KTI12: variants seen among roughly 807,000 people sequenced by gnomAD.
KTI12 encodes the protein protein KTI12 homolog.
In KTI12, 8 loss-of-function variants were observed where a neutral mutation model predicts 8.8. The ratio of observed to expected loss-of-function variants is 0.91; its 90% confidence interval spans 0.53 to 1.64. The LOEUF (loss-of-function observed/expected upper bound fraction) is 1.64, where lower values mean the gene tolerates loss of function less well. Among genes scored for constraint, KTI12 ranks in the 40% most tolerant of loss-of-function variants. The pLI is 0.00. For synonymous variants in KTI12, 216 were observed against 220.1 expected (o/e 0.98, Z 0.17); for missense variants, 490 against 492.1 (o/e 1.00, Z 0.04).
At position 52,033,265 on chromosome 1, in the gene KTI12, G is replaced by A; in HGVS notation, c.497C>T (p.Ala166Val). ...HTADSVVNGS[A>V]QADVPKELER... ...CAGTTCCTTGGGTACGTCGGCCTGG[G>A]CACTTCCATTTACTACAGAGTCCGC... The change falls in exon 1 of 1, where the codon GCC becomes GTC. Residue 166 changes from alanine (A) to valine (V), a missense_variant. Coordinates refer to ENST00000371614, the MANE Select transcript of KTI12 (RefSeq NM_138417.3). The A allele has an allele frequency of 6.2e-7, 1 of 1,613,962 alleles. No homozygotes were observed. The highest frequency in any genetic ancestry group is 8.5e-7 in the Non-Finnish European group (1 of 1,179,954).
Position 52,033,016 on chromosome 1 carries a change from A to G in KTI12, c.746T>C (p.Phe249Ser). 2 of 1,563,798 alleles carry G rather than the reference A, an allele frequency of 1.3e-6. No homozygotes were observed. Among genetic ancestry groups the G allele is most frequent in the South Asian group, 1.2e-5 (1 of 81,860 alleles). ...ATGGGGTGGTGGGGCCCGGTTCTCA[A>G]ACAGGGCAGAGCGGATCCCCGCCAG... is the stretch of plus-strand genomic sequence containing the variant. ...LPLAGIRSAL[F>S]ENRAPPPHQS... The change falls in exon 1 of 1, where the codon TTT becomes TCT. Residue 249 changes from phenylalanine to serine, a missense_variant. Phe to Ser is a radical substitution (Grantham distance 155). Transcript: ENST00000371614.
Position 52,033,548 on chromosome 1 carries a change from G to A in KTI12, c.214C>T (p.Arg72Cys). 6.2e-7 allele frequency: 1 copy of A among 1,613,916 alleles called. No homozygotes were observed. Among genetic ancestry groups the A allele is most frequent in the Non-Finnish European group, 8.5e-7 (1 of 1,179,948 alleles). Reference sequence around the variant, plus strand: ...GAGTCCAGGATGACCACGTCGTGGCGACTCAGGCGCCGTTCCACGGAGGCT... The same window carrying A: ...GAGTCCAGGATGACCACGTCGTGGCAACTCAGGCGCCGTTCCACGGAGGCT... Reference protein sequence around the residue: ...LRASVERRLSRHDVVILDSLN... With the variant: ...LRASVERRLSCHDVVILDSLN... The change falls in exon 1 of 1, where the codon CGC (arginine) becomes TGC (cysteine). Residue 72 changes from arginine to cysteine, a missense_variant. Coordinates refer to ENST00000371614, the MANE Select transcript of KTI12 (RefSeq NM_138417.3).
chr1:52,032,594 C>A lies in KTI12; in HGVS notation c.*103G>T, dbSNP rs1253604505. ...TGAATCAGTCACAACAGCTCTAGTACAGTACTGCATCGATATGCTCTGGAG... is the reference window on the plus strand; with the variant it reads ...TGAATCAGTCACAACAGCTCTAGTAAAGTACTGCATCGATATGCTCTGGAG... On this transcript the variant is annotated 3_prime_UTR_variant, in exon 1 of 1. Coordinates refer to ENST00000371614, the MANE Select transcript of KTI12 (RefSeq NM_138417.3). 6.7e-7 allele frequency: 1 copy of A among 1,483,218 alleles called. No individual in the cohort carries two copies. Among genetic ancestry groups the A allele is most frequent in the East Asian group, 2.3e-5 (1 of 43,294 alleles). The allele number at this position is 1,483,218 out of a possible 1,614,324, so 91.9% of individuals were successfully genotyped here.
At position 52,033,362 on chromosome 1, in the gene KTI12, A is replaced by T. The variant is rs1425006715; in HGVS notation, c.400T>A (p.Trp134Arg). Residue 134 changes from tryptophan to arginine, a missense_variant, in exon 1 of 1, where the codon TGG becomes AGG. Transcript: ENST00000371614. Reference sequence around the variant, plus strand: ...CCGTCCTCCTCAGCGCGTGGCCGCCAACTCACACTGACGTTCCGGCCAGGG... The same window carrying T: ...CCGTCCTCCTCAGCGCGTGGCCGCCTACTCACACTGACGTTCCGGCCAGGG... ...ENPGRNVSVS[W>R]RPRAEEDGRA... 6.2e-7 allele frequency: 1 copy of T among 1,613,564 alleles called. No individual in the cohort carries two copies. Among genetic ancestry groups the T allele is most frequent in the Non-Finnish European group, 8.5e-7 (1 of 1,179,982 alleles).
In KTI12 at chr1:52,033,734, G is replaced by A; in HGVS notation, c.28C>T (p.Pro10Ser). The change falls in exon 1 of 1, where the codon CCG becomes TCG. Residue 10 changes from proline to serine, a missense_variant. Physicochemically the swap from Pro to Ser is moderately conservative, Grantham distance 74 (BLOSUM62 -1). Coordinates refer to ENST00000371614, the MANE Select transcript of KTI12 (RefSeq NM_138417.3). ...GCACGCCGGCTCTTGCCGCTGTACG[G>A]CAGCCCGCAAAACACCACGAGCGGC... Reference protein sequence around the residue: MPLVVFCGLPYSGKSRRAEE... With the variant: MPLVVFCGLSYSGKSRRAEE... The A allele has an allele frequency of 1.2e-6, 2 of 1,606,646 alleles. No homozygotes were observed. Among genetic ancestry groups the A allele is most frequent in the Non-Finnish European group, 1.7e-6 (2 of 1,176,340 alleles).
Position 52,033,190 on chromosome 1 carries a change from T to A in KTI12, c.572A>T (p.Asp191Val). The change falls in exon 1 of 1, where the codon GAT (aspartate) becomes GTT (valine). Residue 191 changes from aspartate (D) to valine (V), a missense_variant. By Grantham distance (152) the Asp-to-Val change is radical. Transcript: ENST00000371614. ...CCCATGCTTTGCAGATTTCTCTGAA[T>A]CCGGAGTCACAAGAGCTGGAGACTC... Reference protein sequence around the residue: ...AAESPALVTPDSEKSAKHGSG... With the variant: ...AAESPALVTPVSEKSAKHGSG... 1.2e-6 allele frequency: 2 copies of A among 1,614,196 alleles called. No individual in the cohort carries two copies. Among genetic ancestry groups the A allele is most frequent in the Non-Finnish European group, 1.7e-6 (2 of 1,180,036 alleles).
Position 52,033,402 on chromosome 1 carries a change from C to A in KTI12, c.360G>T (p.Ala120=), listed in dbSNP as rs147206420. 6.9e-7 allele frequency: 1 copy of A among 1,451,350 alleles called. No individual in the cohort carries two copies. Among genetic ancestry groups the A allele is most frequent in the South Asian group, 1.3e-5 (1 of 78,856 alleles). The allele number at this position is 1,451,350 out of a possible 1,614,324, so 89.9% of individuals were successfully genotyped here. Residue 120 remains alanine (A), a synonymous_variant, in exon 1 of 1, where the codon GCG becomes GCT. Coordinates refer to ENST00000371614, the MANE Select transcript of KTI12 (RefSeq NM_138417.3). ...PGGPIAGPQV[A]GANENPGRNV... ...TCCGGCCAGGGTTCTCGTTCGCGCC[C>A]GCCACCTGAGGTCCCGCGATCGGGC...
Position 52,032,143 on chromosome 1 carries a change from T to C in KTI12, c.*554A>G. ...GATTTTATTAGAGGAAATAATCTAG[T>C]AGATAACTTTCTTACTTCCACAAAA... On this transcript the variant is annotated 3_prime_UTR_variant, in exon 1 of 1. Transcript: ENST00000371614. 1 of 967,946 alleles carries C rather than the reference T, an allele frequency of 1.0e-6. No homozygotes were observed. The highest frequency in any genetic ancestry group is 1.2e-6 in the Non-Finnish European group (1 of 814,044). 60.0% of individuals were successfully genotyped at this position (967,946 alleles called of 1,614,324 possible). A position where few individuals can be genotyped will look rare whatever the true frequency, so the allele number is the denominator to read the frequency against.
Position 52,032,517 on chromosome 1 carries a change from A to T in KTI12, c.*180T>A, listed in dbSNP as rs1685780968. On this transcript the variant is annotated 3_prime_UTR_variant, in exon 1 of 1. Coordinates refer to ENST00000371614, the MANE Select transcript of KTI12 (RefSeq NM_138417.3). Reference sequence around the variant, plus strand: ...TAGTTCTCCATTCTCTTTAGTCTGAACTTATGCTGTAAACCCAAGGCCTGG... The same window carrying T: ...TAGTTCTCCATTCTCTTTAGTCTGATCTTATGCTGTAAACCCAAGGCCTGG... 1 of 1,378,410 alleles carries T rather than the reference A, an allele frequency of 7.3e-7. No individual in the cohort carries two copies. The highest frequency in any genetic ancestry group is 3.4e-5 in the Admixed American group (1 of 29,552). 85.4% of individuals were successfully genotyped at this position (1,378,410 alleles called of 1,614,324 possible). A position where few individuals can be genotyped will look rare whatever the true frequency, so the allele number is the denominator to read the frequency against.
rs761346748 is a variant in KTI12 at position 52,033,660 on chromosome 1, C to A, written c.102G>T (p.Val34=). Residue 34 remains valine (V), a synonymous_variant, in exon 1 of 1, where the codon GTG becomes GTT. Coordinates refer to ENST00000371614, the MANE Select transcript of KTI12 (RefSeq NM_138417.3). ...ALAAEGRAVY[V]VDDAAVLGAE... ...CGCCCAGGACAGCTGCGTCGTCCAC[C>A]ACGTACACCGCGCGGCCCTCGGCAG... is the stretch of plus-strand genomic sequence containing the variant. 6.2e-7 allele frequency: 1 copy of A among 1,611,316 alleles called. No individual in the cohort carries two copies. Among genetic ancestry groups the A allele is most frequent in the Non-Finnish European group, 8.5e-7 (1 of 1,179,834 alleles).
At position 52,033,415 on chromosome 1, in the gene KTI12, C is replaced by T. The variant is rs754347020; in HGVS notation, c.347G>A (p.Gly116Glu). 1 of 1,451,428 alleles carries T rather than the reference C, an allele frequency of 6.9e-7. No homozygotes were observed. The highest frequency in any genetic ancestry group is 1.5e-5 in the African/African-American group (1 of 66,302). 89.9% of individuals were successfully genotyped at this position (1,451,428 alleles called of 1,614,324 possible). A position where few individuals can be genotyped will look rare whatever the true frequency, so the allele number is the denominator to read the frequency against. Residue 116 changes from glycine to glutamate, a missense_variant, in exon 1 of 1, where the codon GGA becomes GAA. Physicochemically the swap from Gly to Glu is moderately conservative, Grantham distance 98 (BLOSUM62 -2). Transcript: ENST00000371614. ...CTCGTTCGCGCCCGCCACCTGAGGT[C>T]CCGCGATCGGGCCGCCGGGCCGTAC... ...YCVRPGGPIA[G>E]PQVAGANENP...
rs373973456 is a variant in KTI12 at position 52,032,188 on chromosome 1, C to T, written c.*509G>A. The T allele has an allele frequency of 8.1e-6, 8 of 985,092 alleles. No homozygotes were observed. The African/African-American group carries it at 1.2e-4, about 15-fold the overall frequency. 61.0% of individuals were successfully genotyped at this position (985,092 alleles called of 1,614,324 possible). On this transcript the variant is annotated 3_prime_UTR_variant, in exon 1 of 1. Coordinates refer to ENST00000371614, the MANE Select transcript of KTI12 (RefSeq NM_138417.3). ...ACAAAAACAAAGTTTCTCAAGGATA[C>T]AAACCAATGGATTTATCTGTGAACT...
In KTI12 at chr1:52,033,360, C is replaced by A; in HGVS notation, c.402G>T (p.Trp134Cys). ...TCCCGTCCTCCTCAGCGCGTGGCCG[C>A]CAACTCACACTGACGTTCCGGCCAG... ...ENPGRNVSVS[W>C]RPRAEEDGRA... The change falls in exon 1 of 1, where the codon TGG becomes TGT. Residue 134 changes from tryptophan (W) to cysteine (C), a missense_variant. Coordinates refer to ENST00000371614, the MANE Select transcript of KTI12 (RefSeq NM_138417.3). The A allele has an allele frequency of 6.2e-7, 1 of 1,613,742 alleles. No homozygotes were observed.
chr1:52,032,215 G>A lies in KTI12; in HGVS notation c.*482C>T. 1 of 985,764 alleles carries A rather than the reference G, an allele frequency of 1.0e-6. No homozygotes were observed. Among genetic ancestry groups the A allele is most frequent in the Non-Finnish European group, 1.2e-6 (1 of 830,252 alleles). The allele number at this position is 985,764 out of a possible 1,614,324, so 61.1% of individuals were successfully genotyped here. A position where few individuals can be genotyped will look rare whatever the true frequency, so the allele number is the denominator to read the frequency against. On this transcript the variant is annotated 3_prime_UTR_variant, in exon 1 of 1. Transcript: ENST00000371614. ...AACCAATGGATTTATCTGTGAACTCGGTCCCAGAATAGAAACTAGCAAAAA... is the reference window on the plus strand; with the variant it reads ...AACCAATGGATTTATCTGTGAACTCAGTCCCAGAATAGAAACTAGCAAAAA...
In KTI12 at chr1:52,032,463, T is replaced by G; in HGVS notation, c.*234A>C. 2 of 1,304,718 alleles carry G rather than the reference T, an allele frequency of 1.5e-6. No homozygotes were observed. Among genetic ancestry groups the G allele is most frequent in the Non-Finnish European group, 1.9e-6 (2 of 1,029,872 alleles). The allele number at this position is 1,304,718 out of a possible 1,614,324, so 80.8% of individuals were successfully genotyped here. A position where few individuals can be genotyped will look rare whatever the true frequency, so the allele number is the denominator to read the frequency against. On this transcript the variant is annotated 3_prime_UTR_variant, in exon 1 of 1. Coordinates refer to ENST00000371614, the MANE Select transcript of KTI12 (RefSeq NM_138417.3). ...ATCCCTGTCCACCTTAGCTCTGTCC[T>G]CTGAGGGATTTGCCAGGTTGCACCA...
rs139909329 is a variant in KTI12 at position 52,033,164 on chromosome 1, A to C, written c.598T>G (p.Ser200Ala). 74 of 1,614,170 alleles carry C rather than the reference A, an allele frequency of 4.6e-5. No homozygotes were observed. The African/African-American group carries it at 9.5e-4, about 21-fold the overall frequency. ...PDSEKSAKHG[S>A]GAFYSPELLE... The stretch of plus-strand genomic sequence containing the variant: ...AGTTCGGGAGAGTAAAAGGCACCGG[A>C]CCCATGCTTTGCAGATTTCTCTGAA... The change falls in exon 1 of 1, where the codon TCC becomes GCC. Residue 200 changes from serine to alanine, a missense_variant. Physicochemically the swap from Ser to Ala is moderately conservative, Grantham distance 99. Transcript: ENST00000371614.
chr1:52,033,063 C>T lies in KTI12; in HGVS notation c.699G>A (p.Val233=). The T allele has an allele frequency of 6.3e-7, 1 of 1,599,108 alleles. No individual in the cohort carries two copies. The highest frequency in any genetic ancestry group is 8.5e-7 in the Non-Finnish European group (1 of 1,174,214). Residue 233 remains valine, a synonymous_variant, in exon 1 of 1, where the codon GTG becomes GTA. Transcript: ENST00000371614. The stretch of plus-strand genomic sequence containing the variant: ...CCAGGGGCAACGGCTCCTCTAGGCC[C>T]ACCAAAGTGAATAAAGGCCGGTCCC... The part of the protein sequence containing the change: ...NRWDRPLFTL[V]GLEEPLPLAG...
rs746173933 is a variant in KTI12, at chr1:52,033,193, G to A, written c.569C>T (p.Pro190Leu). Residue 190 changes from proline to leucine, a missense_variant, in exon 1 of 1, where the codon CCG (proline) becomes CTG (leucine). Physicochemically the swap from Pro to Leu is moderately conservative, Grantham distance 98 (BLOSUM62 -3). Transcript: ENST00000371614. ...GAAESPALVT[P>L]DSEKSAKHGS... ...ATGCTTTGCAGATTTCTCTGAATCC[G>A]GAGTCACAAGAGCTGGAGACTCCGC... The A allele has an allele frequency of 1.2e-6, 2 of 1,614,102 alleles. No homozygotes were observed. The highest frequency in any genetic ancestry group is 2.7e-5 in the African/African-American group (2 of 74,950).
chr1:52,033,232 T>A lies in KTI12; in HGVS notation c.530A>T (p.Glu177Val). Residue 177 changes from glutamate to valine, a missense_variant, in exon 1 of 1, where the codon GAA (glutamate) becomes GTA (valine). Physicochemically the swap from Glu to Val is moderately radical, Grantham distance 121. Coordinates refer to ENST00000371614, the MANE Select transcript of KTI12 (RefSeq NM_138417.3). ...QADVPKELER[E>V]ESGAAESPAL... ...TGGAGACTCCGCAGCCCCGGATTCT[T>A]CTCGCTCCAGTTCCTTGGGTACGTC... The A allele has an allele frequency of 6.2e-7, 1 of 1,614,148 alleles. No homozygotes were observed. The highest frequency in any genetic ancestry group is 8.5e-7 in the Non-Finnish European group (1 of 1,180,008).
Sources: gnomAD v4.1 joint callset for allele counts on GRCh38, gnomAD v4.1.1 for gene constraint, MANE v1.5 for transcripts, NCBI Gene and HGNC (gene_info 2026-07-23, HGNC 2026-07-21) for gene names.